WBP1L: variants seen among roughly 807,000 people sequenced by gnomAD.
WBP1L encodes the protein WW domain binding protein 1-like.
Under a neutral mutation model 33.7 loss-of-function variants are expected in WBP1L, and 17 were observed. That is an observed-to-expected ratio of 0.50 (90% CI 0.34 to 0.76). The LOEUF is 0.76. Ranked by LOEUF, WBP1L falls within the 30% of genes least tolerant of loss-of-function variation. The probability of loss-of-function intolerance (pLI) is 0.01; values close to 1 mark genes in which losing one functional copy is unlikely to be tolerated. For missense variants in WBP1L, 389 were observed against 469.4 expected, an observed-to-expected ratio of 0.83 and a Z score of 1.58; for synonymous variants, 173 against 190.8, an observed-to-expected ratio of 0.91 and a Z score of 0.77.
intron 1 of WBP1L, among the ~76,000 whole-genome samples, chr10:102,745,543 C>T (rs879932841): frequency 6.6e-5 from 10 of 152,272 alleles, no homozygotes; most frequent in South Asian, 6.2e-4. Context: ...TTTATATAAA[C>T]GGGATCCTAC....
intron 1 of WBP1L, among the ~76,000 whole-genome samples, chr10:102,754,198 A>G (rs187397858): frequency 3.9e-5 from 6 of 152,358 alleles, no homozygotes; most frequent in Admixed American, 2.6e-4. Context: ...ACTTAAATAC[A>G]GAATTGAATA....
intron 1 of WBP1L, among the ~76,000 whole-genome samples, chr10:102,749,741 C>T (rs377062868): frequency 2.6e-5 from 4 of 152,078 alleles, no homozygotes; most frequent in Admixed American, 6.6e-5. Context: ...GGATTGCAGG[C>T]GTGAGCCACT....
intron 1 of WBP1L, among the ~76,000 whole-genome samples, chr10:102,773,765 G>A (rs545797881): frequency 6.6e-6 from 1 of 152,078 alleles, no homozygotes; most frequent in East Asian, 1.9e-4. Flanking sequence ...GTGGCGTGGT[G>A]GCGTGTGCCT....
At chr10:102,773,978 A>T (rs117140431) in intron 1 of WBP1L, among the ~76,000 whole-genome samples, 18 of 152,296 alleles carry the variant, frequency 1.2e-4, no homozygotes, top group Non-Finnish European at 2.4e-4. Context: ...AATGCCTGGC[A>T]CACTGTAGGC....
intron 1 of WBP1L, among the ~76,000 whole-genome samples, chr10:102,785,332 C>T (rs796066498): frequency 6.6e-5 from 10 of 152,052 alleles, no homozygotes; most frequent in African/African-American, 2.4e-4. Flanking sequence ...GGACTACAGG[C>T]GCCTGCCACC....
At chr10:102,797,786 C>T (rs559887649) in intron 1 of WBP1L, among the ~76,000 whole-genome samples, 14 of 152,122 alleles carry the variant, frequency 9.2e-5, no homozygotes, top group Admixed American at 2.6e-4. Context: ...CTCCTGACCT[C>T]GCGATCTGCC....
chr10:102,762,672 T>G (rs565579002), intron 1 of WBP1L, among the ~76,000 whole-genome samples: 50 of 152,218 alleles, frequency 3.3e-4, no homozygotes, highest in Non-Finnish European at 6.6e-4. Context: ...CCCTCAATTT[T>G]TAGTGAAGAG....
At chr10:102,754,246 G>T (rs1842949789) in intron 1 of WBP1L, among the ~76,000 whole-genome samples, 1 of 152,112 alleles carries the variant, frequency 6.6e-6, no homozygotes, top group South Asian at 2.1e-4. Context: ...CTTTTTCCCT[G>T]GATAATTTGT....
intron 1 of WBP1L, among the ~76,000 whole-genome samples, chr10:102,785,727 A>G (rs1843406456): frequency 6.6e-6 from 1 of 152,216 alleles, no homozygotes; most frequent in Non-Finnish European, 1.5e-5. Context: ...GCTCCGCTGC[A>G]TGCTACCTGC....
intron 1 of WBP1L, among the ~76,000 whole-genome samples, chr10:102,770,598 T>G (rs972117133): frequency 2.6e-5 from 4 of 152,164 alleles, no homozygotes; most frequent in Non-Finnish European, 4.4e-5. Flanking sequence ...CTCCAGCCTA[T>G]TCCTTGTGTG....
At position 102,812,693 on chromosome 10, in the gene WBP1L, C is replaced by T; in HGVS notation, c.454C>T (p.Gln152Ter). ...PYSAFQLQQQQLLPPQCGPAG... is the reference protein window; with the variant it reads ...PYSAFQLQQQ The stretch of plus-strand genomic sequence containing the variant: ...CAGTGCCTTCCAGCTACAGCAGCAG[C>T]AGCTGCTGCCTCCACAGTGTGGCCC... The change falls in exon 4 of 4, where the codon CAG becomes TAG. Residue 152 changes from glutamine (Q) to a stop codon, truncating the protein, a stop_gained. Transcript: ENST00000448841. LOFTEE classifies it high-confidence loss of function. 6.2e-7 allele frequency: 1 copy of T among 1,613,960 alleles called. No individual in the cohort carries two copies. The highest frequency in any genetic ancestry group is 8.5e-7 in the Non-Finnish European group (1 of 1,179,952).
At chr10:102,807,120 G>A (rs951900341) in intron 2 of WBP1L, among the ~76,000 whole-genome samples, 2 of 152,170 alleles carry the variant, frequency 1.3e-5, no homozygotes, top group Admixed American at 1.3e-4. Flanking sequence ...AATACACATA[G>A]CATTTGGAAT....
chr10:102,808,317 C>T (rs1416127308), intron 2 of WBP1L, among the ~76,000 whole-genome samples: 7 of 151,850 alleles, frequency 4.6e-5, no homozygotes, highest in Non-Finnish European at 7.4e-5. Flanking sequence ...CCCCCTCGTG[C>T]GTATATGTGT....
chr10:102,776,246 C>T (rs1207355454), intron 1 of WBP1L: 1 of 1,575,968 alleles, frequency 6.3e-7, no homozygotes, highest in Non-Finnish European at 8.6e-7. Flanking sequence ...TCCCAGGACT[C>T]TGTTTACTTT....
chr10:102,771,116 A>C (rs1399761785), intron 1 of WBP1L, among the ~76,000 whole-genome samples: 2 of 152,144 alleles, frequency 1.3e-5, no homozygotes, highest in East Asian at 1.9e-4. Context: ...ACAAATGATT[A>C]TCTCTCCCCT....
At position 102,764,097 on chromosome 10, in the gene WBP1L, A is replaced by C. The variant is rs187907343; in HGVS notation, c.90+19954A>C. On this transcript the variant is annotated intron_variant, in intron 1 of 3. Transcript: ENST00000448841. ...CCAAAATGCTGAGATTACAGGTGTG[A>C]GCCACCACGCCCGGCCTTCTCTGTA... Among the ~76,000 whole-genome samples, 556 of 151,672 alleles carry C rather than the reference A, an allele frequency of 3.7e-3. 4 individuals carry two copies. The highest frequency in any genetic ancestry group is 6.0e-3 in the Non-Finnish European group (408 of 67,874).
chr10:102,806,943 A>G (rs1037469459), intron 2 of WBP1L, among the ~76,000 whole-genome samples: 1 of 152,186 alleles, frequency 6.6e-6, no homozygotes, highest in African/African-American at 2.4e-5. Flanking sequence ...GGGGAAAAAC[A>G]TCAAGGATTT....
intron 1 of WBP1L, among the ~76,000 whole-genome samples, chr10:102,785,689 C>T (rs1018538044): frequency 5.3e-5 from 8 of 152,328 alleles, no homozygotes; most frequent in African/African-American, 1.9e-4. Context: ...CCCCTCTGCT[C>T]TGCCTGAGTG....
intron 1 of WBP1L, among the ~76,000 whole-genome samples, chr10:102,783,354 C>CTTGTACCATGT (rs950399660): frequency 8.5e-5 from 13 of 152,102 alleles, no homozygotes; most frequent in Non-Finnish European, 1.5e-5. Context: ...CATGCTGCTG[C>CTTGTACCATGT]TTGTACCATG....
Sources: gnomAD v4.1 joint callset for allele counts (sites outside exome capture counted in the v4.1 genomes callset) on GRCh38, gnomAD v4.1.1 for gene constraint, MANE v1.5 for transcripts, NCBI Gene and HGNC (gene_info 2026-07-23, HGNC 2026-07-21) for gene names.